OR14A2: variants seen among roughly 807,000 people sequenced by gnomAD.
OR14A2 encodes the protein olfactory receptor 14A2.
For synonymous variants in OR14A2, 114 were observed against 58.6 expected (o/e 1.95, Z -4.32); for missense variants, 237 against 152.9 (o/e 1.55, Z -2.90).
At chr1:247,734,806 G>T in the OR14A2 span, among the ~76,000 whole-genome samples, 1 of 152,176 alleles carries the variant, frequency 6.6e-6, no homozygotes, top group Non-Finnish European at 1.5e-5. Flanking sequence ...AATGAATGTG[G>T]GGTGTCCACA....
chr1:247,728,380 A>T (rs1190928487), upstream of OR14A2, among the ~76,000 whole-genome samples: 1 of 152,056 alleles, frequency 6.6e-6, no homozygotes, highest in Non-Finnish European at 1.5e-5. Flanking sequence ...ACAACCCTTC[A>T]TGCTAAAAAC....
At chr1:247,724,003 C>T (rs1487155641) in exon 1 of OR14A2, 1 of 713,994 alleles carries the variant, frequency 1.4e-6, no homozygotes, top group African/African-American at 1.8e-5. Context: ...ATTAGAAAAC[C>T]CCATAAGAAG....
the OR14A2 span, chr1:247,739,202 C>A: frequency 1.3e-6 from 1 of 780,858 alleles, no homozygotes; most frequent in South Asian, 1.3e-5. Flanking sequence ...TCATTAGTGT[C>A]AGTGTGGCCA....
the OR14A2 span, among the ~76,000 whole-genome samples, chr1:247,733,913 T>A: frequency 6.6e-6 from 1 of 152,158 alleles, no homozygotes; most frequent in Non-Finnish European, 1.5e-5. Flanking sequence ...TTTTGAGAAA[T>A]CTACAAAACA....
upstream of OR14A2, among the ~76,000 whole-genome samples, chr1:247,727,527 G>A (rs1159635797): frequency 1.3e-5 from 2 of 151,734 alleles, no homozygotes; most frequent in African/African-American, 2.4e-5. Context: ...AAAAGCAAGA[G>A]CAAACAAATT....
the OR14A2 span, chr1:247,738,742 T>C: frequency 1.3e-6 from 1 of 780,834 alleles, no homozygotes; most frequent in East Asian, 2.4e-5. Flanking sequence ...AATTTAGTCA[T>C]CATTCTCCTC....
At chr1:247,745,242 G>A in the OR14A2 span, among the ~76,000 whole-genome samples, 1 of 151,896 alleles carries the variant, frequency 6.6e-6, no homozygotes, top group Non-Finnish European at 1.5e-5. Context: ...AAATGCAAAG[G>A]AAAATATATC....
the OR14A2 span, among the ~76,000 whole-genome samples, chr1:247,745,958 G>C: frequency 3.3e-5 from 5 of 152,096 alleles, no homozygotes; most frequent in East Asian, 9.6e-4. Context: ...TCGTTAATTG[G>C]GTTCTACTCC....
chr1:247,744,560 T>C, the OR14A2 span, among the ~76,000 whole-genome samples: 482 of 152,312 alleles, frequency 3.2e-3, 3 homozygotes, highest in Non-Finnish European at 5.6e-3. This position sits in a 1 kb window ranked among gnomAD's most constrained non-coding sequence, Gnocchi z 4.3. Context: ...GTTTTGGATG[T>C]ATTATACCTC....
chr1:247,734,289 C>A, the OR14A2 span, among the ~76,000 whole-genome samples: 3 of 152,092 alleles, frequency 2.0e-5, no homozygotes, highest in Admixed American at 1.3e-4. Flanking sequence ...CCATCTGCAG[C>A]CCGAGGAGAA....
At chr1:247,725,866 A>AT (rs1428743860), upstream of OR14A2, among the ~76,000 whole-genome samples, 1 of 101,102 alleles carries the variant, frequency 9.9e-6, no homozygotes, top group East Asian at 2.9e-4. Context: ...TGAACTCATC[A>AT]TTTTTTATGG....
At chr1:247,734,417 C>T in the OR14A2 span, among the ~76,000 whole-genome samples, 2 of 152,160 alleles carry the variant, frequency 1.3e-5, no homozygotes, top group South Asian at 2.1e-4. Flanking sequence ...AGTATTTTGT[C>T]ATGGCAGCCT....
At chr1:247,741,088 G>T in the OR14A2 span, among the ~76,000 whole-genome samples, 2 of 152,034 alleles carry the variant, frequency 1.3e-5, no homozygotes, top group Admixed American at 6.6e-5. Context: ...GATTTTTAGA[G>T]TCTAGCTATA....
At chr1:247,747,729 C>G in the OR14A2 span, among the ~76,000 whole-genome samples, 3,359 of 152,228 alleles carry the variant, frequency 0.022, 129 homozygotes, top group African/African-American at 0.076. Flanking sequence ...GTAAGTGCAG[C>G]AAGAATGATG....
chr1:247,729,976 C>G, the OR14A2 span, among the ~76,000 whole-genome samples: 1 of 151,974 alleles, frequency 6.6e-6, no homozygotes, highest in Non-Finnish European at 1.5e-5. Context: ...ATGGAAACTG[C>G]CTTCATTATC....
chr1:247,745,818 C>G, the OR14A2 span, among the ~76,000 whole-genome samples: 1 of 152,068 alleles, frequency 6.6e-6, no homozygotes, highest in Non-Finnish European at 1.5e-5. Flanking sequence ...TTTCTCCTCT[C>G]GTAATGTTAA....
the OR14A2 span, among the ~76,000 whole-genome samples, chr1:247,736,644 A>T: frequency 3.9e-5 from 6 of 152,126 alleles, no homozygotes; most frequent in African/African-American, 1.4e-4. Context: ...TCAAAAGGAC[A>T]CTCACTCACT....
upstream of OR14A2, among the ~76,000 whole-genome samples, chr1:247,726,955 G>A (rs1428557635): frequency 6.8e-6 from 1 of 146,368 alleles, no homozygotes; most frequent in Non-Finnish European, 1.5e-5. Flanking sequence ...ATAGCTTGAA[G>A]TCAGGTAGTG....
Position 247,723,616 on chromosome 1 carries a change from GC to G in OR14A2, c.427del (p.Ala143GlnfsTer29). On this transcript the variant is annotated frameshift_variant, in exon 1 of 1. Coordinates refer to ENST00000366485, the Ensembl canonical transcript of OR14A2. LOFTEE classifies it low-confidence loss of function (END_TRUNC). ...CCCTCCAATGGCCCAGGAAACACTT[GC>G]CATTAACACACAGACTCCAGTATTC... is the stretch of plus-strand genomic sequence containing the variant. The G allele has an allele frequency of 1.4e-6, 1 of 718,336 alleles. No individual in the cohort carries two copies. Among genetic ancestry groups the G allele is most frequent in the East Asian group, 2.7e-5 (1 of 37,288 alleles). 44.5% of individuals were successfully genotyped at this position (718,336 alleles called of 1,614,324 possible). A position where few individuals can be genotyped will look rare whatever the true frequency, so the allele number is the denominator to read the frequency against.
Sources: gnomAD v4.1 joint callset for allele counts (sites outside exome capture counted in the v4.1 genomes callset) on GRCh38, gnomAD v4.1.1 for gene constraint, Gnocchi (gnomAD v3.1) non-coding constraint, MANE v1.5 for transcripts, NCBI Gene and HGNC (gene_info 2026-07-23, HGNC 2026-07-21) for gene names.